The following ASPM variants were observed in gnomAD, a reference collection of about 807,000 sequenced individuals.
The protein encoded by ASPM is abnormal spindle-like microcephaly-associated protein.
ASPM carries 256 observed loss-of-function variants against 366.4 expected under a neutral mutation model. The ratio of observed to expected loss-of-function variants is 0.70; its 90% CI spans 0.63 to 0.77. The LOEUF is 0.77. ASPM is among the 30% of genes least tolerant of loss of function. ASPM has a pLI of 0.00. For synonymous variants in ASPM, 1,414 were observed against 1,342.9 expected (o/e 1.05, Z -1.16); for missense variants, 4,146 against 4,090.4 (o/e 1.01, Z -0.37).
chr1:197,129,833 A>C lies in ASPM; in HGVS notation c.2629+82T>G. Reference sequence around the variant, plus strand: ...TAGATTGGTTTCTTTGAGAAAGGAAAATGTAAACAGAAACAGGAAGAATGA... The same window carrying C: ...TAGATTGGTTTCTTTGAGAAAGGAACATGTAAACAGAAACAGGAAGAATGA... On this transcript the variant is annotated intron_variant, in intron 8 of 27. Coordinates refer to ENST00000367409, the MANE Select transcript of ASPM (RefSeq NM_018136.5). 7 of 1,526,686 alleles carry C rather than the reference A, an allele frequency of 4.6e-6. No individual in the cohort carries two copies. In the Middle Eastern group the frequency reaches 1.0e-3, roughly 228 times the overall value. 94.6% of individuals were successfully genotyped at this position (1,526,686 alleles called of 1,614,324 possible).
Position 197,104,818 on chromosome 1 carries a change from T to C in ASPM, c.4433A>G (p.His1478Arg). 6.3e-7 allele frequency: 1 copy of C among 1,581,112 alleles called. No individual in the cohort carries two copies. Among genetic ancestry groups the C allele is most frequent in the Non-Finnish European group, 8.6e-7 (1 of 1,166,648 alleles). ...AIIIQSWYRM[H>R]KELRKYIYIR... ...ATAAATATATTTCCGTAATTCTTTA[T>C]GCATTCTATACCATGATTGTATGAT... The change falls in exon 18 of 28, where the codon CAT becomes CGT. Residue 1478 changes from histidine to arginine, a missense_variant. His to Arg is a conservative substitution (Grantham distance 29). This residue lies in a region of ASPM where 3,624 missense variants were observed against 3,591.7 expected (regional missense o/e 1.01). Coordinates refer to ENST00000367409, the MANE Select transcript of ASPM (RefSeq NM_018136.5).
rs587783241 is a variant in ASPM at position 197,105,130 on chromosome 1, GAAT to G, written c.4118_4120del (p.Tyr1373del). 468 of 1,608,852 alleles carry G rather than the reference GAAT, an allele frequency of 2.9e-4. No individual in the cohort carries two copies. Among genetic ancestry groups the G allele is most frequent in the Middle Eastern group, 2.8e-3 (17 of 6,042 alleles). On this transcript the variant is annotated inframe_deletion, in exon 18 of 28. Coordinates refer to ENST00000367409, the MANE Select transcript of ASPM (RefSeq NM_018136.5). Reference sequence around the variant, plus strand: ...TCTTATCCTAGATTGCAGGATGATTGAATAATATTTCAATTTCAGAAATCTTTG... The same window carrying G: ...TCTTATCCTAGATTGCAGGATGATTGAATATTTCAATTTCAGAAATCTTTG...
chr1:197,137,611 GC>G (rs1658457957), intron 4 of ASPM, among the ~76,000 whole-genome samples: 1 of 152,102 alleles, frequency 6.6e-6, no homozygotes, highest in Admixed American at 6.6e-5. Context: ...CTTTCGAGTA[GC>G]AGGGACTACA....
At chr1:197,128,328 A>T (rs1658150620) in intron 10 of ASPM, among the ~76,000 whole-genome samples, 162 bp downstream of exon 10, 1 of 140,994 alleles carries the variant, frequency 7.1e-6, no homozygotes, top group East Asian at 2.2e-4. Flanking sequence ...CATAACATTG[A>T]TGTACCACTT....
At chr1:197,105,636 A>T (rs1377857703) in intron 17 of ASPM, among the ~76,000 whole-genome samples, 1 of 151,972 alleles carries the variant, frequency 6.6e-6, no homozygotes, top group Non-Finnish European at 1.5e-5. Context: ...GCATTATCAC[A>T]TTACAGGCCT....
intron 16 of ASPM, 49 bp downstream of exon 16, chr1:197,121,866 C>T: frequency 3.9e-6 from 6 of 1,547,800 alleles, no homozygotes; most frequent in Non-Finnish European, 5.3e-6. Flanking sequence ...TCAACAAATA[C>T]CTTCTAAAGT....
In ASPM at chr1:197,101,708, G is replaced by A. The variant is rs1290730334; in HGVS notation, c.7543C>T (p.Arg2515Ter). Residue 2515 changes from arginine (R) to a stop codon, truncating the protein, a stop_gained, in exon 18 of 28, where the codon CGA becomes TGA. Transcript: ENST00000367409. LOFTEE classifies it high-confidence loss of function. The stretch of plus-strand genomic sequence containing the variant: ...TGTAATTTTGCAGCTCTATATGTTC[G>A]ATAATGTTGCTGAATTAGAATTGAA... ...HASILIQQHY[R>*]TYRAAKLQRE... 1.9e-6 allele frequency: 3 copies of A among 1,611,860 alleles called. No individual in the cohort carries two copies. The highest frequency in any genetic ancestry group is 2.5e-6 in the Non-Finnish European group (3 of 1,178,924).
intron 17 of ASPM, among the ~76,000 whole-genome samples, chr1:197,108,014 T>C (rs1016420905): frequency 4.6e-5 from 7 of 152,078 alleles, no homozygotes; most frequent in African/African-American, 2.4e-5. Flanking sequence ...ATAGACCATA[T>C]TGTGGATCAT....
intron 4 of ASPM, among the ~76,000 whole-genome samples, chr1:197,138,341 C>T (rs571343620): frequency 7.9e-5 from 12 of 152,240 alleles, no homozygotes; most frequent in East Asian, 5.8e-4. Flanking sequence ...CCGCCCTTGT[C>T]GCCCAGGCTG....
At position 197,100,841 on chromosome 1, in the gene ASPM, C is replaced by T. The variant is rs200200720; in HGVS notation, c.8410G>A (p.Ala2804Thr). 8 of 1,612,588 alleles carry T rather than the reference C, an allele frequency of 5.0e-6. No individual in the cohort carries two copies. The highest frequency in any genetic ancestry group is 6.8e-6 in the Non-Finnish European group (8 of 1,179,092). Reference sequence around the variant, plus strand: ...TGATACTCTGCTTCCTGTGAACAAGCAAGGCCAGAAGCTTTATACCACTCT... The same window carrying T: ...TGATACTCTGCTTCCTGTGAACAAGTAAGGCCAGAAGCTTTATACCACTCT... ...IQEWYKASGLACSQEAEYHSQ... is the reference protein window; with the variant it reads ...IQEWYKASGLTCSQEAEYHSQ... Residue 2804 changes from alanine to threonine, a missense_variant, in exon 18 of 28, where the codon GCT becomes ACT. Physicochemically the swap from Ala to Thr is moderately conservative, Grantham distance 58. Transcript: ENST00000367409.
intron 18 of ASPM, among the ~76,000 whole-genome samples, chr1:197,098,665 TTTC>T (rs1173631931): frequency 1.3e-5 from 2 of 151,674 alleles, no homozygotes; most frequent in Non-Finnish European, 2.9e-5. Context: ...ATCTCTTACC[TTTC>T]TTCTTTCCCT....
intron 19 of ASPM, among the ~76,000 whole-genome samples, chr1:197,094,500 G>A (rs1656904426): frequency 6.6e-6 from 1 of 151,682 alleles, no homozygotes; most frequent in Non-Finnish European, 1.5e-5. Context: ...CTAGATAAAG[G>A]GGGAATGGTA....
chr1:197,112,109 A>C (rs1657602477), intron 17 of ASPM, among the ~76,000 whole-genome samples: 1 of 152,224 alleles, frequency 6.6e-6, no homozygotes, highest in Non-Finnish European at 1.5e-5. Context: ...GAATCAACCT[A>C]AATGTCCATC....
At chr1:197,128,340 C>T in intron 10 of ASPM, 150 bp downstream of exon 10, 1 of 594,178 alleles carries the variant, frequency 1.7e-6, no homozygotes, top group Non-Finnish European at 2.8e-6. Context: ...GTACCACTTC[C>T]CTGAAAAAAA....
In ASPM at chr1:197,101,735, CATGTTT is replaced by C. The variant is rs1477578885; in HGVS notation, c.7510_7515del (p.Lys2504_His2505del). 6.2e-7 allele frequency: 1 copy of C among 1,612,146 alleles called. No homozygotes were observed. The highest frequency in any genetic ancestry group is 8.5e-7 in the Non-Finnish European group (1 of 1,179,032). On this transcript the variant is annotated inframe_deletion, in exon 18 of 28. Transcript: ENST00000367409. ...TAATGTTGCTGAATTAGAATTGAAG[CATGTTT>C]CCAAGTCTGAAATGTAATATATGTT...
chr1:197,138,632 T>TGG, intron 4 of ASPM: 2 of 484,708 alleles, frequency 4.1e-6, no homozygotes. Context: ...AAATATACAA[T>TGG]AAGCAAGCCA....
intron 17 of ASPM, among the ~76,000 whole-genome samples, chr1:197,108,832 G>A (rs184263369): frequency 1.3e-5 from 2 of 151,760 alleles, no homozygotes; most frequent in African/African-American, 4.8e-5. Context: ...TTAGTTGAGT[G>A]TGGTGGTACA....
rs1200250531 is a variant in ASPM at position 197,129,289 on chromosome 1, T to A, written c.2658A>T (p.Thr886=). ...AGACCAACAACAATAACTTTTTCAA[T>A]GTAAACTTGGACAAAGCTTCTTCAT... is the stretch of plus-strand genomic sequence containing the variant. ...DGHEEALSKF[T]LKKLLLLVCF... The change falls in exon 9 of 28, where the codon ACA becomes ACT. Residue 886 remains threonine (T), a synonymous_variant. Coordinates refer to ENST00000367409, the MANE Select transcript of ASPM (RefSeq NM_018136.5). The A allele has an allele frequency of 1.9e-6, 3 of 1,613,018 alleles. No individual in the cohort carries two copies. The highest frequency in any genetic ancestry group is 1.3e-5 in the African/African-American group (1 of 74,892).
chr1:197,112,499 T>C (rs1557951460), intron 17 of ASPM, among the ~76,000 whole-genome samples: 1 of 152,074 alleles, frequency 6.6e-6, no homozygotes, highest in Non-Finnish European at 1.5e-5. Flanking sequence ...AAAAATATAT[T>C]GGGCCCCCCA....
Sources: gnomAD v4.1 joint callset for allele counts (sites outside exome capture counted in the v4.1 genomes callset) on GRCh38, gnomAD v4.1.1 for gene constraint, gnomAD v4.1.1 regional missense constraint, MANE v1.5 for transcripts, NCBI Gene and HGNC (gene_info 2026-07-23, HGNC 2026-07-21) for gene names.